FRMPD4: variants seen among roughly 807,000 people sequenced by gnomAD.
FRMPD4 encodes FERM and PDZ domain containing 4, also known as FERM and PDZ domain-containing protein 4.
FRMPD4 carries 22 observed loss-of-function variants against 94.1 expected under a neutral mutation model. The observed-to-expected ratio is 0.23, with a 90% CI of 0.17 to 0.33. FRMPD4 has a LOEUF of 0.33. FRMPD4 is among the 10% of genes least tolerant of loss of function. The pLI is 1.00. For missense variants in FRMPD4, 1,111 were observed against 1,339.9 expected, an observed-to-expected ratio of 0.83 and a Z score of 2.67; for synonymous variants, 631 against 548.6, an observed-to-expected ratio of 1.15 and a Z score of -2.10.
intron 3 of FRMPD4, among the ~76,000 whole-genome samples, chrX:12,075,352 G>A (rs750003318): frequency 9.2e-6 from 1 of 108,377 alleles, no homozygotes; most frequent in Non-Finnish European, 1.9e-5. Context: ...ATGTGTGTGT[G>A]GGGGGTGGTA....
At chrX:12,534,895 G>A (rs1425778709) in intron 2 of FRMPD4, among the ~76,000 whole-genome samples, 1 of 111,807 alleles carries the variant, frequency 8.9e-6, no homozygotes, top group Non-Finnish European at 1.9e-5. Flanking sequence ...TTGGGGAACT[G>A]TTGGGAAGGC....
Position 12,694,458 on chromosome X carries a change from T to C in FRMPD4, c.933+4T>C. ...TTTCGAGTATCTCTATGTTCAGGTA[T>C]GTTAAAATTTTGGCATGTTTTATAT... On this transcript the variant is annotated splice_donor_region_variant and intron_variant, in intron 9 of 16. Coordinates refer to ENST00000675598, the MANE Select transcript of FRMPD4 (RefSeq NM_001368397.1). The C allele has an allele frequency of 8.4e-7, 1 of 1,192,052 alleles. No homozygotes were observed. Among genetic ancestry groups the C allele is most frequent in the Non-Finnish European group, 1.1e-6 (1 of 878,227 alleles).
rs375987051 is a variant in FRMPD4 at position 12,707,532 on chromosome X, A to G, written c.1351A>G (p.Ile451Val). ...VGPRYGISHVINTKTNLVALL... is the reference protein window; with the variant it reads ...VGPRYGISHVVNTKTNLVALL... ...GCCCCGGTATGGCATAAGCCATGTCATCAACACCAAAACCAATCTGGTGGC... is the reference window on the plus strand; with the variant it reads ...GCCCCGGTATGGCATAAGCCATGTCGTCAACACCAAAACCAATCTGGTGGC... The change falls in exon 13 of 17, where the codon ATC (isoleucine) becomes GTC (valine). Residue 451 changes from isoleucine (I) to valine (V), a missense_variant. By Grantham distance (29) the Ile-to-Val change is conservative (BLOSUM62 3). Coordinates refer to ENST00000675598, the MANE Select transcript of FRMPD4 (RefSeq NM_001368397.1). The G allele has an allele frequency of 2.6e-5, 32 of 1,208,054 alleles. No homozygotes were observed. Among genetic ancestry groups the G allele is most frequent in the Non-Finnish European group, 3.2e-5 (29 of 892,932 alleles).
At chrX:12,644,383 C>A (rs2059528551) in intron 4 of FRMPD4, among the ~76,000 whole-genome samples, 1 of 111,966 alleles carries the variant, frequency 8.9e-6, no homozygotes, top group Non-Finnish European at 1.9e-5. Flanking sequence ...CAGAGAGCAT[C>A]TTTAGGGACA....
At chrX:12,456,500 C>T (rs901319228) in intron 1 of FRMPD4, among the ~76,000 whole-genome samples, 2 of 111,855 alleles carry the variant, frequency 1.8e-5, no homozygotes, top group South Asian at 3.8e-4. Flanking sequence ...CCCACCTCTA[C>T]CCCCTCCTCC....
At chrX:12,262,295 T>A (rs866473838) in intron 1 of FRMPD4, among the ~76,000 whole-genome samples, 3 of 112,037 alleles carry the variant, frequency 2.7e-5, no homozygotes, top group Middle Eastern at 4.6e-3. Context: ...CTTCTATATT[T>A]TTAGAGACAG....
chrX:12,315,229 G>A (rs1220203454), intron 1 of FRMPD4, among the ~76,000 whole-genome samples: 3 of 112,362 alleles, frequency 2.7e-5, no homozygotes, highest in Admixed American at 9.4e-5. Flanking sequence ...TTCCTTGCCA[G>A]AAAATTTGGC....
At chrX:12,655,201 CT>C (rs2059640866) in intron 4 of FRMPD4, among the ~76,000 whole-genome samples, 1 of 112,316 alleles carries the variant, frequency 8.9e-6, no homozygotes, top group Admixed American at 9.4e-5. Context: ...TACTTTGAAT[CT>C]TTAGAAATCA....
chrX:12,637,549 G>A (rs2059454371), intron 4 of FRMPD4, among the ~76,000 whole-genome samples: 1 of 111,034 alleles, frequency 9.0e-6, no homozygotes. Context: ...AAGTGTGATG[G>A]TATGCCTGTA....
At chrX:12,136,555 A>G (rs963955813), upstream of FRMPD4, among the ~76,000 whole-genome samples, 2 of 111,069 alleles carry the variant, frequency 1.8e-5, no homozygotes, top group African/African-American at 6.6e-5. Context: ...CAGATATCCC[A>G]GGAAAGAGCA....
At chrX:12,653,982 G>A (rs1004861736) in intron 4 of FRMPD4, among the ~76,000 whole-genome samples, 1 of 111,798 alleles carries the variant, frequency 8.9e-6, no homozygotes, top group Non-Finnish European at 1.9e-5. Flanking sequence ...GGTCAGGCTG[G>A]TCTCAAACTC....
chrX:12,118,072 A>G (rs1158005885), intron 3 of FRMPD4, among the ~76,000 whole-genome samples: 1 of 111,797 alleles, frequency 8.9e-6, no homozygotes, highest in East Asian at 2.8e-4. Context: ...GCAAAGGGTG[A>G]GTTATGTAAT....
At chrX:12,363,938 G>A (rs2056035801) in intron 1 of FRMPD4, among the ~76,000 whole-genome samples, 1 of 111,572 alleles carries the variant, frequency 9.0e-6, no homozygotes, top group Non-Finnish European at 1.9e-5. Flanking sequence ...AGAGCACTTA[G>A]GAATGAGGTC....
At chrX:12,517,747 G>A (rs1043038221) in intron 2 of FRMPD4, among the ~76,000 whole-genome samples, 3 of 112,397 alleles carry the variant, frequency 2.7e-5, no homozygotes, top group African/African-American at 6.5e-5. Context: ...GGGGTGTGCC[G>A]CACTGGGGGG....
rs1001985625 is a variant in FRMPD4 at position 12,123,906 on chromosome X, T to C, written c.95+245888T>C. 1.4e-4 allele frequency among the ~76,000 whole-genome samples: 16 copies of C among 111,752 alleles called. No homozygotes were observed. The South Asian group carries it at 2.3e-3, about 16-fold the overall frequency. ...ACAGGAGCAGACATGTCACTGCTATTCTAAAAGGAAACTCCAATGACTTCC... is the reference window on the plus strand; with the variant it reads ...ACAGGAGCAGACATGTCACTGCTATCCTAAAAGGAAACTCCAATGACTTCC... On this transcript the variant is annotated intron_variant, in intron 3 of 18. Coordinates refer to the FRMPD4 transcript ENST00000640291.
chrX:12,485,007 C>A (rs1037959616), intron 1 of FRMPD4, among the ~76,000 whole-genome samples: 1 of 112,332 alleles, frequency 8.9e-6, no homozygotes, highest in Non-Finnish European at 1.9e-5. Context: ...GCAAGCCATA[C>A]AGTCTCTGTC....
At chrX:12,620,789 T>G (rs1258361482) in intron 4 of FRMPD4, among the ~76,000 whole-genome samples, 1 of 112,432 alleles carries the variant, frequency 8.9e-6, no homozygotes, top group African/African-American at 3.2e-5. Context: ...CTGTAAAAAC[T>G]GGAAATCTAG....
chrX:12,140,206 T>C (rs1433796645), intron 1 of FRMPD4, among the ~76,000 whole-genome samples: 1 of 112,326 alleles, frequency 8.9e-6, no homozygotes, highest in Non-Finnish European at 1.9e-5. Context: ...CATGGGTCAG[T>C]CTTCATGCCA....
intron 1 of FRMPD4, among the ~76,000 whole-genome samples, chrX:12,468,388 A>T (rs767984157): frequency 1.8e-5 from 2 of 112,076 alleles, no homozygotes; most frequent in African/African-American, 6.5e-5. Flanking sequence ...AAAAACTATG[A>T]GCAAGATTGC....
Sources: gnomAD v4.1 joint callset for allele counts (sites outside exome capture counted in the v4.1 genomes callset) on GRCh38, gnomAD v4.1.1 for gene constraint, MANE v1.5 for transcripts, NCBI Gene and HGNC (gene_info 2026-07-23, HGNC 2026-07-21) for gene names.